CHST9: variants seen among roughly 807,000 people sequenced by gnomAD.
CHST9 encodes carbohydrate sulfotransferase 9, also known as GalNAc-4-sulfotransferase 2.
A neutral mutation model predicts 44.4 loss-of-function variants in CHST9; 41 were observed. That is an observed-to-expected ratio of 0.92 (90% CI 0.72 to 1.20). The LOEUF is 1.20. Among genes scored for constraint, CHST9 ranks in the 50% most tolerant of loss-of-function variants. CHST9 has a pLI of 0.00. For missense variants in CHST9, 504 were observed against 516.5 expected (o/e 0.98, Z 0.23); for synonymous variants, 171 against 178.4 (o/e 0.96, Z 0.33).
At chr18:27,041,183 T>C (rs532719019) in intron 3 of CHST9, among the ~76,000 whole-genome samples, 1 of 152,274 alleles carries the variant, frequency 6.6e-6, no homozygotes, top group South Asian at 2.1e-4. Context: ...CTTCGTCTCA[T>C]GCTGCCTTGA....
intron 4 of CHST9, among the ~76,000 whole-genome samples, chr18:26,980,241 G>A (rs2056675516): frequency 6.6e-6 from 1 of 152,094 alleles, no homozygotes; most frequent in Admixed American, 6.6e-5. Flanking sequence ...TTCCAAAGAA[G>A]ACTATGAGCT....
rs1188471302 is a variant in CHST9, at chr18:27,112,063, T to C, written c.121+30626A>G. Among the ~76,000 whole-genome samples, 5 of 149,772 alleles carry C rather than the reference T, an allele frequency of 3.3e-5. No individual in the cohort carries two copies. The South Asian group carries it at 8.3e-4, about 25-fold the overall frequency. On this transcript the variant is annotated intron_variant, in intron 2 of 5. Coordinates refer to ENST00000618847, the MANE Select transcript of CHST9 (RefSeq NM_031422.6). ...AAATTTCTTTCTAAAAATATACATATAGATATATATTTTTATATATTTACA... is the reference window on the plus strand; with the variant it reads ...AAATTTCTTTCTAAAAATATACATACAGATATATATTTTTATATATTTACA...
chr18:26,969,099 C>A (rs35507377), intron 4 of CHST9, among the ~76,000 whole-genome samples: 42,888 of 150,900 alleles, frequency 0.28, 7,037 homozygotes, highest in African/African-American at 0.46. Flanking sequence ...CCCGGGTTCA[C>A]GCCATTCTCC....
chr18:27,044,686 T>C (rs2057479565), intron 3 of CHST9, among the ~76,000 whole-genome samples: 1 of 152,006 alleles, frequency 6.6e-6, no homozygotes, highest in Non-Finnish European at 1.5e-5. Flanking sequence ...TTTTTTTTGA[T>C]AGTGTATAGG....
chr18:26,961,498 T>C (rs1429113510), intron 4 of CHST9, among the ~76,000 whole-genome samples: 1 of 152,000 alleles, frequency 6.6e-6, no homozygotes, highest in African/African-American at 2.4e-5. Flanking sequence ...GGTGCAATCA[T>C]AGCTCACTGC....
intron 2 of CHST9, among the ~76,000 whole-genome samples, chr18:27,063,016 A>T (rs896369047): frequency 6.6e-6 from 1 of 152,168 alleles, no homozygotes; most frequent in Admixed American, 6.5e-5. Flanking sequence ...CAGCAATTAC[A>T]GGGGCAGGTG....
intron 4 of CHST9, among the ~76,000 whole-genome samples, chr18:26,975,180 C>T (rs1316405230): frequency 2.0e-5 from 3 of 152,098 alleles, no homozygotes; most frequent in Admixed American, 6.5e-5. Flanking sequence ...ATTTCAGTTG[C>T]AAGTGATGTA....
intron 1 of CHST9, among the ~76,000 whole-genome samples, chr18:27,165,300 T>G (rs570929165): frequency 6.6e-6 from 1 of 152,208 alleles, no homozygotes; most frequent in African/African-American, 2.4e-5. Context: ...AAATAGAAAA[T>G]GCAGAAAAGG....
At chr18:27,035,707 C>A (rs1022841179) in intron 3 of CHST9, among the ~76,000 whole-genome samples, 10 of 152,196 alleles carry the variant, frequency 6.6e-5, no homozygotes, top group Non-Finnish European at 1.0e-4. Context: ...GGCAGAAAGA[C>A]AAATTCTACA....
chr18:27,159,754 T>A (rs573125731), intron 1 of CHST9, among the ~76,000 whole-genome samples: 17 of 152,322 alleles, frequency 1.1e-4, no homozygotes, highest in Admixed American at 7.2e-4. Context: ...TGGAATGTTC[T>A]TCCATTTGTT....
chr18:27,133,360 T>C (rs150583561), intron 2 of CHST9, among the ~76,000 whole-genome samples: 20 of 152,302 alleles, frequency 1.3e-4, no homozygotes, highest in South Asian at 6.2e-4. Flanking sequence ...CTTTAAGCAA[T>C]TTGACATCCA....
intron 2 of CHST9, among the ~76,000 whole-genome samples, chr18:27,068,175 A>G (rs886223418): frequency 2.6e-5 from 4 of 152,162 alleles, no homozygotes; most frequent in Non-Finnish European, 5.9e-5. Context: ...AATTTTGAAA[A>G]CTATGATTGC....
intron 3 of CHST9, among the ~76,000 whole-genome samples, chr18:27,042,787 C>T (rs1026028033): frequency 6.7e-6 from 1 of 149,926 alleles, no homozygotes; most frequent in Non-Finnish European, 1.5e-5. Context: ...CTCTCTCTCT[C>T]TCCCTCCCTC....
rs1272705510 is a variant in CHST9 at position 26,975,442 on chromosome 18, T to G, written c.203-31076A>C. On this transcript the variant is annotated intron_variant, in intron 4 of 5. Coordinates refer to ENST00000618847, the MANE Select transcript of CHST9 (RefSeq NM_031422.6). ...TGGCCCCTCCCACTGCCCCCACCACTCCGAGTCTCCATTGTCCATCATTAC... is the reference window on the plus strand; with the variant it reads ...TGGCCCCTCCCACTGCCCCCACCACGCCGAGTCTCCATTGTCCATCATTAC... Among the ~76,000 whole-genome samples the G allele has an allele frequency of 5.9e-5, 9 of 151,728 alleles. No homozygotes were observed. In the East Asian group the frequency reaches 1.7e-3, roughly 29 times the overall value.
rs139487965 is a variant in CHST9 at position 27,020,470 on chromosome 18, T to G, written c.202+3646A>C. Among the ~76,000 whole-genome samples, 57 of 152,370 alleles carry G rather than the reference T, an allele frequency of 3.7e-4. 1 individual carries two copies. The highest frequency in any genetic ancestry group is 1.3e-3 in the African/African-American group (55 of 41,602). Reference sequence around the variant, plus strand: ...AAAATACTCTCGGTCTCTCAACCCCTAATGAGTCTTTGGAGCTGTCTTTTC... The same window carrying G: ...AAAATACTCTCGGTCTCTCAACCCCGAATGAGTCTTTGGAGCTGTCTTTTC... On this transcript the variant is annotated intron_variant, in intron 4 of 5. Transcript: ENST00000618847.
intron 1 of CHST9, among the ~76,000 whole-genome samples, chr18:27,181,816 T>C (rs1010715961): frequency 5.9e-5 from 9 of 152,194 alleles, no homozygotes; most frequent in African/African-American, 1.9e-4. Flanking sequence ...TACAATCAAG[T>C]CTTGCTTATC....
At chr18:27,066,418 T>G (rs937911562) in intron 2 of CHST9, among the ~76,000 whole-genome samples, 1 of 152,200 alleles carries the variant, frequency 6.6e-6, no homozygotes, top group East Asian at 1.9e-4. Flanking sequence ...AATTCACAAC[T>G]CTTAAGTTAT....
chr18:27,022,614 T>C (rs2057239023), intron 4 of CHST9, among the ~76,000 whole-genome samples: 1 of 152,220 alleles, frequency 6.6e-6, no homozygotes. Flanking sequence ...GTTGTTTTAC[T>C]TGGGCAATAC....
At chr18:27,034,363 G>A (rs536063385) in intron 3 of CHST9, among the ~76,000 whole-genome samples, 12 of 151,892 alleles carry the variant, frequency 7.9e-5, no homozygotes, top group African/African-American at 2.4e-4. Context: ...CCTTGGTCTC[G>A]GCCACTTCAT....
Sources: gnomAD v4.1 joint callset for allele counts (sites outside exome capture counted in the v4.1 genomes callset) on GRCh38, gnomAD v4.1.1 for gene constraint, MANE v1.5 for transcripts, NCBI Gene and HGNC (gene_info 2026-07-23, HGNC 2026-07-21) for gene names.